The following SMURF2 variants were observed in gnomAD, a reference collection of about 807,000 sequenced individuals.
SMURF2 encodes SMAD specific E3 ubiquitin protein ligase 2.
SMURF2 carries 48 observed loss-of-function variants against 109.6 expected under a neutral mutation model. The ratio of observed to expected loss-of-function variants is 0.44; its 90% CI spans 0.35 to 0.56. The LOEUF is 0.56. SMURF2 is among the 20% of genes least tolerant of loss of function. SMURF2 has a pLI of 0.01. For missense variants in SMURF2, 575 were observed against 909.0 expected, an observed-to-expected ratio of 0.63 and a Z score of 4.72; for synonymous variants, 288 against 317.1, an observed-to-expected ratio of 0.91 and a Z score of 0.97.
Position 64,662,215 on chromosome 17 carries a change from G to A in SMURF2, c.-335C>T. On this transcript the variant is annotated 5_prime_UTR_variant, in exon 1 of 19. Coordinates refer to ENST00000262435, the MANE Select transcript of SMURF2 (RefSeq NM_022739.4). The stretch of plus-strand genomic sequence containing the variant: ...CTCGTCTCGGCGAGGCCCAGTAGCC[G>A]ACGGGGCTGGTCGGCTGAAGCGGGC... 1.9e-6 allele frequency: 2 copies of A among 1,036,190 alleles called. No individual in the cohort carries two copies. Among genetic ancestry groups the A allele is most frequent in the Non-Finnish European group, 2.3e-6 (2 of 863,688 alleles). The allele number at this position is 1,036,190 out of a possible 1,614,324, so 64.2% of individuals were successfully genotyped here.
chr17:64,595,843 TAAA>T (rs1423585582), intron 3 of SMURF2, among the ~76,000 whole-genome samples: 1 of 152,144 alleles, frequency 6.6e-6, no homozygotes, highest in African/African-American at 2.4e-5. Context: ...CAATTTTTTT[TAAA>T]AGAAAATAAC....
intron 5 of SMURF2, among the ~76,000 whole-genome samples, chr17:64,586,619 TG>T (rs1353125001): frequency 6.6e-6 from 1 of 150,818 alleles, no homozygotes; most frequent in Non-Finnish European, 1.5e-5. Context: ...GGCGTGGTGG[TG>T]GGCACCTGTA....
chr17:64,641,671 T>A (rs1450563078), intron 1 of SMURF2, among the ~76,000 whole-genome samples: 7 of 152,124 alleles, frequency 4.6e-5, no homozygotes, highest in African/African-American at 1.7e-4. Flanking sequence ...ACAGACCACA[T>A]GGAGGCTCTG....
intron 5 of SMURF2, among the ~76,000 whole-genome samples, chr17:64,589,928 G>C (rs1266832423): frequency 1.3e-5 from 2 of 151,976 alleles, no homozygotes; most frequent in African/African-American, 4.8e-5. Flanking sequence ...ACCAAAAATG[G>C]TGGGGTGCGC....
intron 6 of SMURF2, among the ~76,000 whole-genome samples, chr17:64,584,361 C>CTT (rs372682588): frequency 1.8e-4 from 20 of 112,734 alleles, no homozygotes; most frequent in South Asian, 3.0e-4. Context: ...CTTTTTTTTT[C>CTT]TTTTTTTTTT....
intron 2 of SMURF2, among the ~76,000 whole-genome samples, chr17:64,604,974 C>T (rs1227883981): frequency 6.6e-6 from 1 of 151,642 alleles, no homozygotes; most frequent in Non-Finnish European, 1.5e-5. Flanking sequence ...GCTCCCCTTA[C>T]TTCCCTCCCT....
rs1198160197 is a variant in SMURF2 at position 64,543,132 on chromosome 17, C to T, written c.*2716G>A. 1.3e-5 allele frequency: 2 copies of T among 152,094 alleles called. No individual in the cohort carries two copies. Among genetic ancestry groups the T allele is most frequent in the Non-Finnish European group, 2.9e-5 (2 of 68,038 alleles). The allele number at this position is 152,094 out of a possible 1,614,324, so 9.4% of individuals were successfully genotyped here. ...TTCACATTAAACATGAGGTGCAAGT[C>T]CATGGTTCAATAATACATTGGGGGT... On this transcript the variant is annotated 3_prime_UTR_variant, in exon 19 of 19. Transcript: ENST00000262435.
intron 1 of SMURF2, among the ~76,000 whole-genome samples, chr17:64,607,196 T>G (rs905453150): frequency 9.2e-5 from 14 of 152,110 alleles, no homozygotes; most frequent in African/African-American, 3.4e-4. Context: ...CTATATCTTT[T>G]AAGAATTTAA....
intron 1 of SMURF2, among the ~76,000 whole-genome samples, chr17:64,643,317 C>T (rs981007359): frequency 3.3e-5 from 5 of 152,106 alleles, no homozygotes; most frequent in African/African-American, 4.8e-5. Context: ...GCCACTGCAC[C>T]CGGCCTAAAT....
intron 6 of SMURF2, among the ~76,000 whole-genome samples, chr17:64,584,361 CT>C (rs372682588): frequency 0.027 from 3,007 of 112,640 alleles, 113 homozygotes; most frequent in African/African-American, 0.1. Flanking sequence ...CTTTTTTTTT[CT>C]TTTTTTTTTT....
chr17:64,612,509 C>CA (rs11308871), intron 1 of SMURF2, among the ~76,000 whole-genome samples: 2,247 of 127,200 alleles, frequency 0.018, 54 homozygotes, highest in African/African-American at 0.052. Flanking sequence ...ACTAAAAATA[C>CA]AAAAAAAAAA....
chr17:64,650,472 A>G (rs1356466361), intron 1 of SMURF2, among the ~76,000 whole-genome samples: 2 of 152,168 alleles, frequency 1.3e-5, no homozygotes, highest in African/African-American at 4.8e-5. Context: ...TATACATGGC[A>G]TAACTAGGAT....
rs782213502 is a variant in SMURF2 at position 64,580,782 on chromosome 17, G to T, written c.772+7C>A. The stretch of plus-strand genomic sequence containing the variant: ...CACATTTTATTTTTCCTTTGTAGTT[G>T]TCATACCATAGCCTTCTGGTAGGTC... On this transcript the variant is annotated splice_region_variant and intron_variant, in intron 8 of 18. Transcript: ENST00000262435. 5.0e-6 allele frequency: 8 copies of T among 1,612,584 alleles called. No individual in the cohort carries two copies. In the Admixed American group the frequency reaches 1.3e-4, roughly 27 times the overall value.
intron 15 of SMURF2, among the ~76,000 whole-genome samples, chr17:64,553,542 A>C (rs1259607750): frequency 6.6e-6 from 1 of 152,112 alleles, no homozygotes; most frequent in Non-Finnish European, 1.5e-5. Flanking sequence ...AACAAAAAAA[A>C]AACCATGGAT....
chr17:64,560,275 T>C (rs1555684416), intron 12 of SMURF2, among the ~76,000 whole-genome samples: 1 of 152,118 alleles, frequency 6.6e-6, no homozygotes. Flanking sequence ...ATAATTATAG[T>C]ACTTAGATGC....
chr17:64,581,881 G>A lies in SMURF2; in HGVS notation c.570-890C>T, dbSNP rs1555686585. 6.6e-6 allele frequency among the ~76,000 whole-genome samples: 1 copy of A among 151,230 alleles called. No homozygotes were observed. The highest frequency in any genetic ancestry group is 2.4e-5 in the African/African-American group (1 of 41,142). On this transcript the variant is annotated intron_variant, in intron 7 of 18. Coordinates refer to ENST00000262435, the MANE Select transcript of SMURF2 (RefSeq NM_022739.4). This position sits in a 1 kb window ranked among gnomAD's most constrained non-coding sequence, Gnocchi z 4.3. Reference sequence around the variant, plus strand: ...AATTGCTTGAATCCAGGAGGCAGAGGTTGCAGTGGGCAGAGGTTGCAGTGA... The same window carrying A: ...AATTGCTTGAATCCAGGAGGCAGAGATTGCAGTGGGCAGAGGTTGCAGTGA...
intron 6 of SMURF2, among the ~76,000 whole-genome samples, 159 bp downstream of exon 6, chr17:64,585,927 G>A (rs1309747179): frequency 6.6e-6 from 1 of 152,064 alleles, no homozygotes; most frequent in Non-Finnish European, 1.5e-5. Context: ...TTATAAATTT[G>A]TCGAGACAAG....
At chr17:64,624,112 C>T (rs1283327979) in intron 1 of SMURF2, among the ~76,000 whole-genome samples, 1 of 152,126 alleles carries the variant, frequency 6.6e-6, no homozygotes, top group Non-Finnish European at 1.5e-5. Context: ...AAAGCTACAA[C>T]AAATGACACA....
intron 1 of SMURF2, among the ~76,000 whole-genome samples, chr17:64,652,078 C>A (rs1156651712): frequency 6.6e-6 from 1 of 152,092 alleles, no homozygotes; most frequent in East Asian, 1.9e-4. Flanking sequence ...CAGACACTTA[C>A]GTTAAGTCAT....
Sources: allele counts gnomAD v4.1 joint callset (sites outside exome capture counted in the v4.1 genomes callset), GRCh38; gene constraint gnomAD v4.1.1; non-coding constraint Gnocchi (gnomAD v3.1); transcripts MANE v1.5; gene names NCBI Gene and HGNC (gene_info 2026-07-23, HGNC 2026-07-21).